The following ADAM23 variants were observed in gnomAD, a reference collection of about 807,000 sequenced individuals.
ADAM23 encodes ADAM metallopeptidase domain 23, also known as disintegrin and metalloproteinase domain-containing protein 23.
A neutral mutation model predicts 120.1 loss-of-function variants in ADAM23; 33 were observed. The ratio of observed to expected loss-of-function variants is 0.27; its 90% CI spans 0.21 to 0.37. The LOEUF (loss-of-function observed/expected upper bound fraction) is 0.37, where lower values mean the gene tolerates loss of function less well. Ranked by LOEUF, ADAM23 falls within the 10% of genes least tolerant of loss-of-function variation. The pLI is 1.00. For missense variants in ADAM23, 862 were observed against 1,058.2 expected, an observed-to-expected ratio of 0.81 and a Z score of 2.57; for synonymous variants, 367 against 375.2, an observed-to-expected ratio of 0.98 and a Z score of 0.25.
At chr2:206,612,367 C>CTT (rs1698842656) in intron 25 of ADAM23, among the ~76,000 whole-genome samples, 1 of 152,096 alleles carries the variant, frequency 6.6e-6, no homozygotes, top group Non-Finnish European at 1.5e-5. Context: ...AACTGAAAGC[C>CTT]TTTGGGTTTG....
At chr2:206,530,416 T>A (rs563260468) in intron 3 of ADAM23, among the ~76,000 whole-genome samples, 1 of 152,180 alleles carries the variant, frequency 6.6e-6, no homozygotes, top group South Asian at 2.1e-4. Context: ...TCCAACTGTT[T>A]AGGGCATAAT....
intron 18 of ADAM23, among the ~76,000 whole-genome samples, chr2:206,585,121 C>G (rs554836516): frequency 6.6e-6 from 1 of 152,266 alleles, no homozygotes; most frequent in African/African-American, 2.4e-5. Context: ...TCTGTAGGTC[C>G]TCTTGGGATT....
At chr2:206,514,406 C>T (rs1026664019) in intron 3 of ADAM23, among the ~76,000 whole-genome samples, 1 of 152,080 alleles carries the variant, frequency 6.6e-6, no homozygotes, top group Non-Finnish European at 1.5e-5. Flanking sequence ...TCACTGCAGA[C>T]GTGGTAGAAA....
At chr2:206,500,779 C>A (rs988696209) in intron 3 of ADAM23, among the ~76,000 whole-genome samples, 3 of 152,158 alleles carry the variant, frequency 2.0e-5, no homozygotes, top group African/African-American at 7.2e-5. Flanking sequence ...GCATTTTTAT[C>A]CACCGTTGAT....
In ADAM23 at chr2:206,481,244, G is replaced by A; in HGVS notation, c.445G>A (p.Ala149Thr). 1.2e-6 allele frequency: 2 copies of A among 1,609,720 alleles called. No homozygotes were observed. Among genetic ancestry groups the A allele is most frequent in the South Asian group, 1.1e-5 (1 of 90,470 alleles). ...QQKHNKAVHL[A>T]QASFQIEAFG... The stretch of plus-strand genomic sequence containing the variant: ...TTTGAATCCATAGGCTGTCCATCTG[G>A]CCCAGGCAAGCTTCCAGATTGAAGC... Residue 149 changes from alanine (A) to threonine (T), a missense_variant, in exon 3 of 26, where the codon GCC becomes ACC. Transcript: ENST00000264377.
rs752160470 is a variant in ADAM23, at chr2:206,536,099, T to A, written c.573+5151T>A. Among the ~76,000 whole-genome samples, 22 of 152,248 alleles carry A rather than the reference T, an allele frequency of 1.4e-4. No individual in the cohort carries two copies. In the South Asian group the frequency reaches 1.9e-3, roughly 13 times the overall value. On this transcript the variant is annotated intron_variant, in intron 4 of 25. Coordinates refer to ENST00000264377, the MANE Select transcript of ADAM23 (RefSeq NM_003812.4). ...GTCACATATGCTCATGAATAAGCCA[T>A]TCCTGTTCATTCATTAAACAAATAT...
chr2:206,492,629 C>G (rs1007968754), intron 3 of ADAM23, among the ~76,000 whole-genome samples: 1 of 152,098 alleles, frequency 6.6e-6, no homozygotes, highest in Non-Finnish European at 1.5e-5. Context: ...GCTGTGTCCT[C>G]ACGTGGCAGA....
intron 3 of ADAM23, among the ~76,000 whole-genome samples, chr2:206,502,451 A>G (rs1286385335): frequency 6.6e-6 from 1 of 152,136 alleles, no homozygotes; most frequent in Admixed American, 6.6e-5. Context: ...AATGTTGGCC[A>G]AAAATTGGTA....
intron 2 of ADAM23, among the ~76,000 whole-genome samples, chr2:206,459,674 G>A (rs1019273893): frequency 2.0e-5 from 3 of 152,120 alleles, no homozygotes; most frequent in African/African-American, 7.2e-5. Flanking sequence ...CCACTTGGAT[G>A]TCTTATAGGC....
intron 9 of ADAM23, among the ~76,000 whole-genome samples, chr2:206,552,170 TTA>T (rs1047568522): frequency 2.0e-5 from 3 of 152,184 alleles, no homozygotes; most frequent in East Asian, 3.8e-4. Context: ...ATAAATACTT[TTA>T]GAGTAGTAGA....
chr2:206,462,439 T>C (rs1052784332), intron 2 of ADAM23, among the ~76,000 whole-genome samples: 1 of 152,236 alleles, frequency 6.6e-6, no homozygotes, highest in Non-Finnish European at 1.5e-5. Flanking sequence ...GTCTGCCTGC[T>C]CTGAAAGGCA....
At chr2:206,495,997 A>G (rs1230224188) in intron 3 of ADAM23, among the ~76,000 whole-genome samples, 3 of 152,220 alleles carry the variant, frequency 2.0e-5, no homozygotes, top group Non-Finnish European at 2.9e-5. Context: ...CCAGATTCAT[A>G]AAGCAAGTCC....
intron 1 of ADAM23, among the ~76,000 whole-genome samples, 171 bp from the exon 2 acceptor site, chr2:206,445,136 G>C (rs914848909): frequency 2.0e-5 from 3 of 152,044 alleles, no homozygotes; most frequent in Non-Finnish European, 4.4e-5. Flanking sequence ...TTTTATTGTT[G>C]AAATAACTTG....
intron 25 of ADAM23, among the ~76,000 whole-genome samples, chr2:206,611,169 T>TA (rs1698818907): frequency 6.6e-6 from 1 of 152,236 alleles, no homozygotes; most frequent in Admixed American, 6.5e-5. Flanking sequence ...ATTTATTGAG[T>TA]AAGTCTACAG....
chr2:206,594,825 C>T lies in ADAM23; in HGVS notation c.2167C>T (p.Arg723Trp). The part of the protein sequence containing the change: ...PCGPSMMCLD[R>W]KCLQIQALNM... ...TGGCCCGTCTATGATGTGTTTAGAT[C>T]GGAAGTGCCTACAAATTCAAGCCCT... Residue 723 changes from arginine to tryptophan, a missense_variant, in exon 23 of 26, where the codon CGG becomes TGG. Physicochemically the swap from Arg to Trp is moderately radical, Grantham distance 101. This residue lies in a region of ADAM23 where 617 missense variants were observed against 813.5 expected (regional missense o/e 0.76). Coordinates refer to ENST00000264377, the MANE Select transcript of ADAM23 (RefSeq NM_003812.4). 3.1e-6 allele frequency: 5 copies of T among 1,614,138 alleles called. No homozygotes were observed. The highest frequency in any genetic ancestry group is 1.3e-5 in the African/African-American group (1 of 75,034).
intron 25 of ADAM23, among the ~76,000 whole-genome samples, chr2:206,616,091 T>A (rs1489104708): frequency 1.3e-5 from 2 of 152,172 alleles, no homozygotes; most frequent in Non-Finnish European, 2.9e-5. Context: ...TTTCACAAGG[T>A]CAGGCAGTCT....
chr2:206,484,011 C>T lies in ADAM23; in HGVS notation c.509+2703C>T, dbSNP rs1035397806. On this transcript the variant is annotated intron_variant, in intron 3 of 25. Coordinates refer to ENST00000264377, the MANE Select transcript of ADAM23 (RefSeq NM_003812.4). ...AGAGCAAGTTTGGTGGACTGAGAGACGGAGCTGATAAGAGTGGGAGGTTGA... is the reference window on the plus strand; with the variant it reads ...AGAGCAAGTTTGGTGGACTGAGAGATGGAGCTGATAAGAGTGGGAGGTTGA... Among the ~76,000 whole-genome samples, 78 of 151,936 alleles carry T rather than the reference C, an allele frequency of 5.1e-4. 3 individuals are homozygous for T. The highest frequency in any genetic ancestry group is 4.2e-4 in the South Asian group (2 of 4,810).
chr2:206,569,119 A>T (rs1697946610), intron 15 of ADAM23, among the ~76,000 whole-genome samples: 1 of 152,244 alleles, frequency 6.6e-6, no homozygotes, highest in Non-Finnish European at 1.5e-5. Context: ...ATTGTAATGT[A>T]CATGGCTAAT....
Position 206,518,545 on chromosome 2 carries a change from A to G in ADAM23, c.510-12340A>G, listed in dbSNP as rs1696779981. ...CAGGTTTTTAAAATTTGTTTTAATT[A>G]CAATTAAGTGATGGTTTTCTAATTG... On this transcript the variant is annotated intron_variant, in intron 3 of 25. Coordinates refer to ENST00000264377, the MANE Select transcript of ADAM23 (RefSeq NM_003812.4). 3.9e-5 allele frequency among the ~76,000 whole-genome samples: 6 copies of G among 152,198 alleles called. No homozygotes were observed. The South Asian group carries it at 1.0e-3, about 26-fold the overall frequency.
Sources: allele counts gnomAD v4.1 joint callset (sites outside exome capture counted in the v4.1 genomes callset), GRCh38; gene constraint gnomAD v4.1.1; regional missense constraint gnomAD v4.1.1; transcripts MANE v1.5; gene names NCBI Gene and HGNC (gene_info 2026-07-23, HGNC 2026-07-21).